The following POLA1 variants were observed in gnomAD, a reference collection of about 807,000 sequenced individuals.
POLA1 encodes DNA polymerase alpha 1, catalytic subunit.
In POLA1, 15 loss-of-function variants were observed where a neutral mutation model predicts 124.0. The ratio of observed to expected loss-of-function variants is 0.12; its 90% CI spans 0.08 to 0.19. POLA1 has a LOEUF of 0.19. Among genes scored for constraint, POLA1 ranks in the 10% least tolerant of loss-of-function variants. The pLI, the probability that POLA1 is intolerant of heterozygous loss-of-function variation, is 1.00. For missense variants in POLA1, 886 were observed against 1,103.4 expected (o/e 0.80, Z 2.79); for synonymous variants, 408 against 389.4 (o/e 1.05, Z -0.56).
At position 24,727,122 on chromosome X, in the gene POLA1, G is replaced by GT. The variant is rs1930588171; in HGVS notation, c.1531+56dup. ...GCTGAATAGATTGCTGATAGATGTG[G>GT]TTTTTAAAAGGGAAGTTAGGAAATT... On this transcript the variant is annotated intron_variant, in intron 14 of 36. Coordinates refer to ENST00000379068, the MANE Select transcript of POLA1 (RefSeq NM_001330360.2). 2.9e-6 allele frequency: 3 copies of GT among 1,019,910 alleles called. No individual in the cohort carries two copies. The South Asian group carries it at 6.3e-5, about 21-fold the overall frequency. The allele number at this position is 1,019,910 out of a possible 1,213,427, so 84.1% of individuals were successfully genotyped here.
At chrX:24,949,509 T>C (rs1601899624) in intron 36 of POLA1, among the ~76,000 whole-genome samples, 1 of 107,995 alleles carries the variant, frequency 9.3e-6, no homozygotes, top group Admixed American at 9.9e-5. Flanking sequence ...AAAAATATCT[T>C]GAGGCATGTT....
At chrX:24,889,894 A>G (rs1371513093) in intron 35 of POLA1, among the ~76,000 whole-genome samples, 4 of 111,330 alleles carry the variant, frequency 3.6e-5, no homozygotes, top group East Asian at 5.6e-4. Context: ...TAATTTTAGG[A>G]TAATATATCA....
At position 24,821,520 on chromosome X, in the gene POLA1, G is replaced by C; in HGVS notation, c.3498G>C (p.Trp1166Cys). 8.3e-7 allele frequency: 1 copy of C among 1,200,868 alleles called. No homozygotes were observed. The highest frequency in any genetic ancestry group is 1.1e-6 in the Non-Finnish European group (1 of 885,807). The change falls in exon 31 of 37, where the codon TGG becomes TGC. Residue 1166 changes from tryptophan to cysteine, a missense_variant. Physicochemically the swap from Trp to Cys is radical, Grantham distance 215. Coordinates refer to ENST00000379068, the MANE Select transcript of POLA1 (RefSeq NM_001330360.2). ...KSLPHVHVAL[W>C]INSQGGRKVK... Reference sequence around the variant, plus strand: ...TACCTCATGTACATGTTGCCCTCTGGATAAATTCTCAAGGAGGCAGAAAGG... The same window carrying C: ...TACCTCATGTACATGTTGCCCTCTGCATAAATTCTCAAGGAGGCAGAAAGG...
chrX:24,826,084 G>A (rs1601774844), intron 31 of POLA1, among the ~76,000 whole-genome samples: 1 of 112,149 alleles, frequency 8.9e-6, no homozygotes, highest in East Asian at 2.8e-4. Flanking sequence ...TACACTAATT[G>A]TTACTAAGCC....
At chrX:24,784,478 G>A (rs1347792228) in intron 26 of POLA1, among the ~76,000 whole-genome samples, 3 of 110,618 alleles carry the variant, frequency 2.7e-5, no homozygotes, top group Non-Finnish European at 5.7e-5. Context: ...GAGGTCAGAA[G>A]TTCAAGACCA....
chrX:24,888,073 G>C lies in POLA1; in HGVS notation c.4115G>C (p.Arg1372Pro), dbSNP rs769412757. 8.3e-7 allele frequency: 1 copy of C among 1,204,862 alleles called. No homozygotes were observed. The change falls in exon 35 of 37, where the codon CGA (arginine) becomes CCA (proline). Residue 1372 changes from arginine to proline, a missense_variant. This residue lies in a region of POLA1 where 313 missense variants were observed against 359.7 expected (regional missense o/e 0.87). Transcript: ENST00000379068. ...RTRHLPLQFS[R>P]TGPLCPACMK... The stretch of plus-strand genomic sequence containing the variant: ...CGTCACCTTCCCCTTCAATTCTCCC[G>C]AACTGGGCCTCTTTGCCCAGCCTGC...
At chrX:24,773,478 G>A (rs2045079781) in intron 26 of POLA1, among the ~76,000 whole-genome samples, 1 of 112,145 alleles carries the variant, frequency 8.9e-6, no homozygotes, top group Non-Finnish European at 1.9e-5. Flanking sequence ...AGTGCTGAGA[G>A]CATTCCTTCT....
At chrX:24,746,473 G>T (rs1316998445) in intron 24 of POLA1, among the ~76,000 whole-genome samples, 3 of 111,899 alleles carry the variant, frequency 2.7e-5, no homozygotes, top group Admixed American at 1.9e-4. Flanking sequence ...ATATATAATA[G>T]AATCATTTTA....
At chrX:24,952,153 C>G (rs2048055116) in intron 36 of POLA1, among the ~76,000 whole-genome samples, 1 of 112,163 alleles carries the variant, frequency 8.9e-6, no homozygotes, top group African/African-American at 3.2e-5. Flanking sequence ...GGGGTCCACC[C>G]TGATACTATA....
intron 35 of POLA1, among the ~76,000 whole-genome samples, chrX:24,929,675 G>C (rs937789525): frequency 1.8e-5 from 2 of 112,163 alleles, no homozygotes; most frequent in African/African-American, 6.5e-5. Flanking sequence ...TTCTCATATT[G>C]GTTATTGAAT....
chrX:24,727,007 C>T lies in POLA1; in HGVS notation c.1467C>T (p.Ser489=), dbSNP rs1930580913. ...ATGTATTTGGGACCAACACATCTAGCCTGGAACTGTTCTTGATGAACAGAA... is the reference window on the plus strand; with the variant it reads ...ATGTATTTGGGACCAACACATCTAGTCTGGAACTGTTCTTGATGAACAGAA... The part of the protein sequence containing the change: ...FSHVFGTNTS[S]LELFLMNRKI... Residue 489 remains serine, a synonymous_variant, in exon 14 of 37, where the codon AGC becomes AGT. Coordinates refer to ENST00000379068, the MANE Select transcript of POLA1 (RefSeq NM_001330360.2). 4.2e-6 allele frequency: 5 copies of T among 1,198,623 alleles called. No homozygotes were observed. The highest frequency in any genetic ancestry group is 5.6e-6 in the Non-Finnish European group (5 of 885,820).
At chrX:24,821,708 T>C in intron 31 of POLA1, 125 bp downstream of exon 31, 1 of 492,395 alleles carries the variant, frequency 2.0e-6, no homozygotes, top group Non-Finnish European at 3.3e-6. Context: ...GTTAGTTTCA[T>C]AGCATTTAAA....
In POLA1 at chrX:24,737,660, A is replaced by G. The variant is rs1256914586; in HGVS notation, c.1959A>G (p.Leu653=). Residue 653 remains leucine (L), a synonymous_variant, in exon 19 of 37, where the codon CTA becomes CTG. Coordinates refer to ENST00000379068, the MANE Select transcript of POLA1 (RefSeq NM_001330360.2). ...HNIYGFELEV[L]LQRINVCKAP... ...TTTATGGGTTTGAACTGGAAGTACT[A>G]CTGCAGAGAATTAATGTGTGCAAAG... 8.6e-7 allele frequency: 1 copy of G among 1,162,876 alleles called. No homozygotes were observed. Among genetic ancestry groups the G allele is most frequent in the Non-Finnish European group, 1.2e-6 (1 of 852,279 alleles).
chrX:24,759,732 A>C (rs185697091), intron 26 of POLA1, among the ~76,000 whole-genome samples: 6 of 112,087 alleles, frequency 5.4e-5, no homozygotes, highest in Non-Finnish European at 9.4e-5. Flanking sequence ...GATAAATGCT[A>C]TTAAGACTGA....
intron 26 of POLA1, among the ~76,000 whole-genome samples, chrX:24,793,634 G>C (rs1276379700): frequency 9.0e-6 from 1 of 111,104 alleles, no homozygotes; most frequent in Non-Finnish European, 1.9e-5. Context: ...GCCCAGGCTA[G>C]AGTGCAGTGG....
At chrX:24,724,608 T>C (rs1192605660) in intron 12 of POLA1, among the ~76,000 whole-genome samples, 157 bp downstream of exon 12, 1 of 112,532 alleles carries the variant, frequency 8.9e-6, no homozygotes, top group African/African-American at 3.2e-5. Context: ...AAACAGTATA[T>C]TAGATTTGCA....
At chrX:24,968,435 C>T (rs1406635135) in intron 36 of POLA1, among the ~76,000 whole-genome samples, 3 of 111,908 alleles carry the variant, frequency 2.7e-5, no homozygotes, top group Non-Finnish European at 5.6e-5. Context: ...CGCAGTGGCT[C>T]ACTCCTGTAA....
Position 24,713,229 on chromosome X carries a change from C to G in POLA1, c.347-1325C>G, listed in dbSNP as rs777102794. ...CTGCCTGCCTCGGCCTCCCAAAGTG[C>G]TGGGATTACAGGCGTGAGCCACCGC... On this transcript the variant is annotated intron_variant, in intron 4 of 36. Transcript: ENST00000379068. 4.5e-5 allele frequency among the ~76,000 whole-genome samples: 5 copies of G among 110,936 alleles called. No individual in the cohort carries two copies. The East Asian group carries it at 1.4e-3, about 32-fold the overall frequency.
intron 36 of POLA1, among the ~76,000 whole-genome samples, chrX:24,977,605 G>A (rs1461854715): frequency 8.9e-6 from 1 of 111,993 alleles, no homozygotes; most frequent in Admixed American, 9.4e-5. Context: ...CCAGTTCTGG[G>A]AAGTTTTCTT....
Sources: gnomAD v4.1 joint callset for allele counts (sites outside exome capture counted in the v4.1 genomes callset) on GRCh38, gnomAD v4.1.1 for gene constraint, gnomAD v4.1.1 regional missense constraint, MANE v1.5 for transcripts, NCBI Gene and HGNC (gene_info 2026-07-23, HGNC 2026-07-21) for gene names.